Variants in SPTLC2 observed in about 807,000 individuals in gnomAD.
SPTLC2 encodes serine palmitoyltransferase long chain base subunit 2.
A neutral mutation model predicts 62.0 loss-of-function variants in SPTLC2; 21 were observed. The ratio of observed to expected loss-of-function variants is 0.34; its 90% CI spans 0.24 to 0.49. The LOEUF (loss-of-function observed/expected upper bound fraction) is 0.49, where lower values mean the gene tolerates loss of function less well. Among genes scored for constraint, SPTLC2 ranks in the 20% least tolerant of loss-of-function variants. The pLI is 0.99. For synonymous variants in SPTLC2, 261 were observed against 261.8 expected, an observed-to-expected ratio of 1.00 and a Z score of 0.03; for missense variants, 511 against 713.0, an observed-to-expected ratio of 0.72 and a Z score of 3.23.
chr14:77,594,309 A>C (rs1776645032), intron 2 of SPTLC2, among the ~76,000 whole-genome samples: 2 of 152,262 alleles, frequency 1.3e-5, no homozygotes, highest in Admixed American at 6.5e-5. Flanking sequence ...ATACACAGGC[A>C]GCTCCCAACA....
At chr14:77,592,438 C>T (rs192026945) in intron 2 of SPTLC2, among the ~76,000 whole-genome samples, 2 of 152,224 alleles carry the variant, frequency 1.3e-5, no homozygotes, top group East Asian at 1.9e-4. Flanking sequence ...CCCGGCTGTA[C>T]GCTACTTTTT....
intron 9 of SPTLC2, among the ~76,000 whole-genome samples, chr14:77,524,045 T>C (rs1441347163): frequency 6.6e-6 from 1 of 152,148 alleles, no homozygotes; most frequent in Admixed American, 6.6e-5. Context: ...ATATGATCTA[T>C]ATGTTCAAAA....
chr14:77,602,157 T>G (rs1340758119), intron 1 of SPTLC2, among the ~76,000 whole-genome samples: 1 of 152,162 alleles, frequency 6.6e-6, no homozygotes. Flanking sequence ...ACTTAGGAGT[T>G]CTCAGCTAGA....
chr14:77,546,292 C>T (rs1433690204), intron 9 of SPTLC2, among the ~76,000 whole-genome samples: 3 of 152,078 alleles, frequency 2.0e-5, no homozygotes, highest in African/African-American at 7.2e-5. Flanking sequence ...GGTTAAAAGG[C>T]CTTTTGTGCT....
At chr14:77,547,985 T>A (rs1276334278) in intron 9 of SPTLC2, 1 of 150,310 alleles carries the variant, frequency 6.7e-6, no homozygotes. Context: ...AGTCTATTAC[T>A]GGAATTAATT....
At chr14:77,576,951 A>G in intron 3 of SPTLC2, 36 bp from the exon 4 acceptor site, 4 of 1,612,900 alleles carry the variant, frequency 2.5e-6, no homozygotes, top group Non-Finnish European at 3.4e-6. Context: ...GAAACTCATG[A>G]GCAAAAAAGT....
At position 77,507,280 on chromosome 14, in the gene SPTLC2, T is replaced by C. The variant is rs1483515809; in HGVS notation, c.*5004A>G. The C allele has an allele frequency of 6.6e-6, 1 of 151,962 alleles. No homozygotes were observed. The highest frequency in any genetic ancestry group is 1.5e-5 in the Non-Finnish European group (1 of 68,010). 9.4% of individuals were successfully genotyped at this position (151,962 alleles called of 1,614,324 possible). On this transcript the variant is annotated 3_prime_UTR_variant, in exon 12 of 12. Transcript: ENST00000216484. ...CTGTGTGATAGGGAAGCCAGCCCTC[T>C]AATTTGGCTCTCTGGCTGGGCACAT...
intron 9 of SPTLC2, among the ~76,000 whole-genome samples, chr14:77,533,648 G>A (rs2079452812): frequency 6.6e-6 from 1 of 152,162 alleles, no homozygotes; most frequent in African/African-American, 2.4e-5. Context: ...GTGCAAGCAC[G>A]TCCTTTAACA....
rs180784864 is a variant in SPTLC2 at position 77,513,873 on chromosome 14, C to G, written c.1570-1470G>C. Among the ~76,000 whole-genome samples, 572 of 117,972 alleles carry G rather than the reference C, an allele frequency of 4.8e-3. 2 individuals carry two copies. The highest frequency in any genetic ancestry group is 8.1e-3 in the Non-Finnish European group (474 of 58,392). The allele number at this position is 117,972 out of a possible 152,430, so 77.4% of individuals were successfully genotyped here. On this transcript the variant is annotated intron_variant, in intron 11 of 11. Transcript: ENST00000216484. ...TCATGCCATTGCCCTCCAGCCTGGG[C>G]AACAAGAGCAAAACTCTGTCTCAAA...
chr14:77,575,823 G>A (rs34677114), intron 4 of SPTLC2, among the ~76,000 whole-genome samples: 3,983 of 152,058 alleles, frequency 0.026, 173 homozygotes, highest in African/African-American at 0.091. Context: ...ATGAGCCTCC[G>A]TGCCTGGCTT....
intron 9 of SPTLC2, among the ~76,000 whole-genome samples, chr14:77,528,745 A>G (rs1179135103): frequency 6.6e-6 from 1 of 152,162 alleles, no homozygotes; most frequent in Non-Finnish European, 1.5e-5. Flanking sequence ...GTTATTTCAT[A>G]TCTCTTTCAT....
At chr14:77,563,424 T>C (rs2079625579) in intron 5 of SPTLC2, among the ~76,000 whole-genome samples, 1 of 152,140 alleles carries the variant, frequency 6.6e-6, no homozygotes, top group Admixed American at 6.6e-5. Flanking sequence ...CCATGAATAC[T>C]ATATTGTGTG....
intron 4 of SPTLC2, among the ~76,000 whole-genome samples, chr14:77,572,583 AG>A (rs2079689870): frequency 6.6e-6 from 1 of 152,244 alleles, no homozygotes; most frequent in Admixed American, 6.5e-5. Context: ...CTTTGAAACC[AG>A]GCATTGACTT....
chr14:77,525,774 C>T (rs534320561), intron 9 of SPTLC2, among the ~76,000 whole-genome samples: 1 of 151,454 alleles, frequency 6.6e-6, no homozygotes, highest in Non-Finnish European at 1.5e-5. Flanking sequence ...ATTAGCCGGG[C>T]GTGGTGGTGG....
intron 1 of SPTLC2, among the ~76,000 whole-genome samples, chr14:77,597,592 T>G (rs1021115240): frequency 1.7e-5 from 2 of 116,610 alleles, no homozygotes; most frequent in East Asian, 7.1e-4. Context: ...CTGGTCAACA[T>G]GGTGAAACCT....
chr14:77,580,010 C>T (rs1013901573), intron 2 of SPTLC2, among the ~76,000 whole-genome samples: 2 of 152,150 alleles, frequency 1.3e-5, no homozygotes, highest in South Asian at 2.1e-4. Flanking sequence ...TCCCTCCCCA[C>T]AAGCCTCCTC....
chr14:77,592,863 A>G (rs1207406678), intron 2 of SPTLC2, among the ~76,000 whole-genome samples: 1 of 152,090 alleles, frequency 6.6e-6, no homozygotes, highest in African/African-American at 2.4e-5. Context: ...TAATCCCAGC[A>G]CTTTGGGAGG....
rs1204680929 is a variant in SPTLC2 at position 77,576,753 on chromosome 14, C to G, written c.631+14G>C. On this transcript the variant is annotated intron_variant, in intron 4 of 11. Coordinates refer to ENST00000216484, the MANE Select transcript of SPTLC2 (RefSeq NM_004863.4). ...GTCAAAAACAGCAGCTGGCCAAATA[C>G]AGCTTTCACTTACCAATTTCCTGCC... is the stretch of plus-strand genomic sequence containing the variant. 2 of 1,614,054 alleles carry G rather than the reference C, an allele frequency of 1.2e-6. No homozygotes were observed. The highest frequency in any genetic ancestry group is 1.1e-5 in the South Asian group (1 of 91,084).
chr14:77,594,823 C>T (rs1333709098), intron 2 of SPTLC2, among the ~76,000 whole-genome samples: 1 of 151,434 alleles, frequency 6.6e-6, no homozygotes, highest in African/African-American at 2.4e-5. Flanking sequence ...TATGCATCTA[C>T]ACTAGGAGAG....
Sources: allele counts gnomAD v4.1 joint callset (sites outside exome capture counted in the v4.1 genomes callset), GRCh38; gene constraint gnomAD v4.1.1; transcripts MANE v1.5; gene names NCBI Gene and HGNC (gene_info 2026-07-23, HGNC 2026-07-21).